The following FARS2 variants were observed in gnomAD, a reference collection of about 807,000 sequenced individuals.
FARS2 encodes the protein phenylalanyl-tRNA synthetase 2, mitochondrial.
Under a neutral mutation model 46.4 loss-of-function variants are expected in FARS2, and 40 were observed. That is an observed-to-expected ratio of 0.86 (90% CI 0.67 to 1.12). The LOEUF (loss-of-function observed/expected upper bound fraction) is 1.12. Ranked by LOEUF, FARS2 falls within the 50% of genes most tolerant of loss-of-function variation. The pLI is 0.00. For synonymous variants in FARS2, 234 were observed against 214.9 expected, an observed-to-expected ratio of 1.09 and a Z score of -0.78; for missense variants, 513 against 567.9, an observed-to-expected ratio of 0.90 and a Z score of 0.98.
chr6:5,688,916 T>G (rs528853267), intron 6 of FARS2, among the ~76,000 whole-genome samples: 1 of 152,230 alleles, frequency 6.6e-6, no homozygotes, highest in Non-Finnish European at 1.5e-5. Flanking sequence ...AACTTCTTCC[T>G]GGTTTAGTCT....
At chr6:5,577,366 G>A (rs1350299953) in intron 5 of FARS2, among the ~76,000 whole-genome samples, 1 of 152,128 alleles carries the variant, frequency 6.6e-6, no homozygotes, top group Non-Finnish European at 1.5e-5. Context: ...GAGTGTGTGT[G>A]TGTGTGTGTC....
At chr6:5,626,879 T>C (rs578012194) in intron 6 of FARS2, among the ~76,000 whole-genome samples, 7 of 152,358 alleles carry the variant, frequency 4.6e-5, no homozygotes, top group African/African-American at 1.7e-4. Context: ...TGCAGCCTAC[T>C]GCACACATAG....
rs1268775926 is a variant in FARS2 at position 5,737,741 on chromosome 6, G to A, written c.1218-33550G>A. Among the ~76,000 whole-genome samples the A allele has an allele frequency of 2.0e-5, 3 of 149,562 alleles. No homozygotes were observed. The East Asian group carries it at 5.8e-4, about 29-fold the overall frequency. ...TCCCTGAGGGCTTTTTGTCTGGCAT[G>A]CCCCTTTGGCCTTTTACCATGTACC... On this transcript the variant is annotated intron_variant, in intron 6 of 6. Coordinates refer to ENST00000274680, the MANE Select transcript of FARS2 (RefSeq NM_006567.5).
At position 5,299,184 on chromosome 6, in the gene FARS2, C is replaced by T. The variant is rs1343349513; in HGVS notation, c.-22+37524C>T. ...TTTGATGGCAGTTTCATTTTATAAA[C>T]TGAAGACTATACTATGTAGACATCT... On this transcript the variant is annotated intron_variant, in intron 1 of 6. Coordinates refer to ENST00000274680, the MANE Select transcript of FARS2 (RefSeq NM_006567.5). Among the ~76,000 whole-genome samples, 3 of 152,228 alleles carry T rather than the reference C, an allele frequency of 2.0e-5. No individual in the cohort carries two copies. The East Asian group carries it at 5.8e-4, about 29-fold the overall frequency.
chr6:5,529,875 CATAA>C (rs1194340923), intron 4 of FARS2, among the ~76,000 whole-genome samples: 2 of 152,194 alleles, frequency 1.3e-5, no homozygotes, highest in Non-Finnish European at 2.9e-5. Flanking sequence ...GCAACCACCA[CATAA>C]ATAAGCCCAA....
At chr6:5,768,327 A>G (rs1208402673) in intron 6 of FARS2, among the ~76,000 whole-genome samples, 1 of 152,220 alleles carries the variant, frequency 6.6e-6, no homozygotes, top group East Asian at 1.9e-4. Context: ...TGAATCATTT[A>G]CACCTAATTC....
intron 6 of FARS2, among the ~76,000 whole-genome samples, chr6:5,682,183 T>C (rs1356207601): frequency 6.6e-6 from 1 of 152,102 alleles, no homozygotes; most frequent in Non-Finnish European, 1.5e-5. Flanking sequence ...AAAATGACAA[T>C]AACTAGGTTG....
chr6:5,580,147 G>T (rs11755957), intron 5 of FARS2, among the ~76,000 whole-genome samples: 4 of 151,578 alleles, frequency 2.6e-5, no homozygotes, highest in African/African-American at 9.7e-5. Context: ...AAAATTAGCC[G>T]GGCGTGGTGG....
At chr6:5,712,441 T>G (rs921121440) in intron 6 of FARS2, among the ~76,000 whole-genome samples, 5 of 152,186 alleles carry the variant, frequency 3.3e-5, no homozygotes, top group Admixed American at 2.0e-4. Flanking sequence ...AGTGGGTAGG[T>G]CTGGGTACCT....
rs370252887 is a variant in FARS2 at position 5,647,410 on chromosome 6, C to A, written c.1217+34090C>A. On this transcript the variant is annotated intron_variant, in intron 6 of 6. Coordinates refer to ENST00000274680, the MANE Select transcript of FARS2 (RefSeq NM_006567.5). ...AAAACTAGAATTTAACATAATCAGC[C>A]ATGTCCTCAAAATAAAATGGAAACT... 6.2e-4 allele frequency among the ~76,000 whole-genome samples: 94 copies of A among 152,282 alleles called. 1 individual carries two copies. In the South Asian group the frequency reaches 6.9e-3, roughly 11 times the overall value.
intron 4 of FARS2, among the ~76,000 whole-genome samples, chr6:5,438,147 G>T (rs992395609): frequency 1.3e-5 from 2 of 149,216 alleles, no homozygotes; most frequent in Non-Finnish European, 3.0e-5. Flanking sequence ...TTCTTCACTT[G>T]TAAATACTAG....
chr6:5,766,589 C>A (rs1295197486), intron 6 of FARS2, among the ~76,000 whole-genome samples: 1 of 152,188 alleles, frequency 6.6e-6, no homozygotes, highest in Non-Finnish European at 1.5e-5. Flanking sequence ...TCTTAGAGGA[C>A]ATTGGGATTA....
At chr6:5,353,555 C>A (rs1031522803) in intron 1 of FARS2, among the ~76,000 whole-genome samples, 2 of 151,988 alleles carry the variant, frequency 1.3e-5, no homozygotes, top group African/African-American at 4.8e-5. Context: ...TGCATCCTTG[C>A]CAGGATTTAT....
intron 5 of FARS2, among the ~76,000 whole-genome samples, chr6:5,554,300 G>GA (rs1380606755): frequency 6.6e-6 from 1 of 152,060 alleles, no homozygotes; most frequent in East Asian, 1.9e-4. Context: ...ATTTACTTCA[G>GA]AAAAAAGGAA....
At chr6:5,513,932 A>C (rs1340255825) in intron 4 of FARS2, among the ~76,000 whole-genome samples, 2 of 152,142 alleles carry the variant, frequency 1.3e-5, no homozygotes, top group Non-Finnish European at 2.9e-5. Context: ...TAAAAAAAAA[A>C]AATTTAACAA....
chr6:5,590,439 G>T (rs145456499), intron 5 of FARS2, among the ~76,000 whole-genome samples: 69 of 152,280 alleles, frequency 4.5e-4, no homozygotes, highest in African/African-American at 1.6e-3. Flanking sequence ...AGTTACTGAG[G>T]TCATAGCTAC....
chr6:5,711,321 G>T (rs1759142576), intron 6 of FARS2, among the ~76,000 whole-genome samples: 1 of 142,418 alleles, frequency 7.0e-6, no homozygotes. Context: ...AATGAATGAA[G>T]AGAGAAATCT....
At chr6:5,487,305 C>T (rs1433071242) in intron 4 of FARS2, among the ~76,000 whole-genome samples, 1 of 152,118 alleles carries the variant, frequency 6.6e-6, no homozygotes, top group African/African-American at 2.4e-5. Context: ...ACTCCATAAC[C>T]CCATGACTGT....
intron 1 of FARS2, among the ~76,000 whole-genome samples, chr6:5,303,945 G>A (rs771169670): frequency 1.1e-4 from 16 of 152,084 alleles, no homozygotes; most frequent in Non-Finnish European, 1.6e-4. Flanking sequence ...TCCGTGGACT[G>A]CTCTGTGTGG....
Sources: gnomAD v4.1 joint callset for allele counts (sites outside exome capture counted in the v4.1 genomes callset) on GRCh38, gnomAD v4.1.1 for gene constraint, MANE v1.5 for transcripts, NCBI Gene and HGNC (gene_info 2026-07-23, HGNC 2026-07-21) for gene names.